GALNTL6: variants seen among roughly 807,000 people sequenced by gnomAD.
GALNTL6 encodes the protein polypeptide N-acetylgalactosaminyltransferase-like 6.
Under a neutral mutation model 73.7 loss-of-function variants are expected in GALNTL6, and 46 were observed. That is an observed-to-expected ratio of 0.62 (90% CI 0.49 to 0.80). The LOEUF is 0.80. Among genes scored for constraint, GALNTL6 ranks in the 30% least tolerant of loss-of-function variants. The probability of loss-of-function intolerance (pLI) is 0.00; values close to 1 mark genes in which losing one functional copy is unlikely to be tolerated. For synonymous variants in GALNTL6, 259 were observed against 263.7 expected (o/e 0.98, Z 0.17); for missense variants, 604 against 755.0 (o/e 0.80, Z 2.34).
At chr4:172,107,843 G>C (rs2110973138) in intron 2 of GALNTL6, among the ~76,000 whole-genome samples, 1 of 152,106 alleles carries the variant, frequency 6.6e-6, no homozygotes, top group East Asian at 1.9e-4. Flanking sequence ...AAAATAGTAA[G>C]CTGGTGTAAA....
chr4:172,514,484 C>T (rs984599236), intron 5 of GALNTL6, among the ~76,000 whole-genome samples: 5 of 152,168 alleles, frequency 3.3e-5, no homozygotes, highest in African/African-American at 1.2e-4. Context: ...AGGGCTGGGA[C>T]TTTGCCGCAA....
intron 5 of GALNTL6, among the ~76,000 whole-genome samples, chr4:172,588,314 C>T (rs1045360272): frequency 3.9e-5 from 6 of 152,042 alleles, no homozygotes; most frequent in African/African-American, 1.2e-4. Flanking sequence ...ATCTCCCAGA[C>T]AAGGCGTAGT....
chr4:172,795,324 C>G (rs927597509), intron 5 of GALNTL6, among the ~76,000 whole-genome samples: 1 of 151,998 alleles, frequency 6.6e-6, no homozygotes, highest in Non-Finnish European at 1.5e-5. Flanking sequence ...AGGGATAACT[C>G]GTTCATTTTA....
chr4:172,306,219 T>C (rs1243225027), intron 3 of GALNTL6, among the ~76,000 whole-genome samples: 1 of 152,048 alleles, frequency 6.6e-6, no homozygotes, highest in African/African-American at 2.4e-5. Flanking sequence ...TGAAACCCTG[T>C]CTCTACTAAA....
chr4:172,412,760 T>G lies in GALNTL6; in HGVS notation c.553+64071T>G, dbSNP rs2101251. On this transcript the variant is annotated intron_variant, in intron 5 of 12. Coordinates refer to ENST00000506823, the MANE Select transcript of GALNTL6 (RefSeq NM_001034845.3). ...TTCTTAGAGACATCATTTAGAAAAT[T>G]TATTCATTAAGATTGTTTTTAACAA... Among the ~76,000 whole-genome samples, 1,176 of 152,244 alleles carry G rather than the reference T, an allele frequency of 7.7e-3. 11 individuals carry two copies. The highest frequency in any genetic ancestry group is 0.027 in the African/African-American group (1,107 of 41,556).
intron 2 of GALNTL6, among the ~76,000 whole-genome samples, chr4:171,991,936 A>T (rs1215567299): frequency 6.6e-6 from 1 of 151,896 alleles, no homozygotes; most frequent in Non-Finnish European, 1.5e-5. Flanking sequence ...TAAAATGAAC[A>T]TTATTAACAA....
At chr4:172,849,983 T>C (rs1046080151) in intron 7 of GALNTL6, among the ~76,000 whole-genome samples, 1 of 152,180 alleles carries the variant, frequency 6.6e-6, no homozygotes, top group African/African-American at 2.4e-5. Context: ...CCTAAAGTCT[T>C]TCCTCTTCAT....
In GALNTL6 at chr4:171,868,629, A is replaced by T. The variant is rs527970974; in HGVS notation, c.138+53911A>T. Among the ~76,000 whole-genome samples, 5 of 152,262 alleles carry T rather than the reference A, an allele frequency of 3.3e-5. No homozygotes were observed. In the East Asian group the frequency reaches 9.7e-4, roughly 29 times the overall value. On this transcript the variant is annotated intron_variant, in intron 2 of 12. Transcript: ENST00000506823. Reference sequence around the variant, plus strand: ...TCAAATATTCTACCTCCCTTGAATCATCTTGGAACACAGGATTCTTGAATC... The same window carrying T: ...TCAAATATTCTACCTCCCTTGAATCTTCTTGGAACACAGGATTCTTGAATC...
At chr4:171,961,466 T>C (rs1430908710) in intron 2 of GALNTL6, among the ~76,000 whole-genome samples, 4 of 152,162 alleles carry the variant, frequency 2.6e-5, no homozygotes, top group African/African-American at 9.7e-5. Context: ...AGATTCCTTC[T>C]ATGGGACAAA....
At chr4:172,337,891 C>T (rs1156891343) in intron 4 of GALNTL6, among the ~76,000 whole-genome samples, 1 of 151,724 alleles carries the variant, frequency 6.6e-6, no homozygotes, top group African/African-American at 2.4e-5. Context: ...TTTTCTTCTT[C>T]TCTCTCAGGA....
chr4:172,835,451 G>C (rs1742861032), intron 7 of GALNTL6, among the ~76,000 whole-genome samples: 1 of 152,244 alleles, frequency 6.6e-6, no homozygotes, highest in Admixed American at 6.5e-5. Context: ...AGTTTTAACA[G>C]TCTTGGCTCC....
At chr4:172,093,630 C>T (rs1049244900) in intron 2 of GALNTL6, among the ~76,000 whole-genome samples, 2 of 152,174 alleles carry the variant, frequency 1.3e-5, no homozygotes, top group Non-Finnish European at 2.9e-5. Context: ...CCTTCACTCT[C>T]ATCCTTCCCT....
At chr4:172,475,802 C>G (rs886688555) in intron 5 of GALNTL6, among the ~76,000 whole-genome samples, 4 of 152,208 alleles carry the variant, frequency 2.6e-5, no homozygotes, top group African/African-American at 9.7e-5. Flanking sequence ...ATAACGAAAT[C>G]ATGTCATACT....
intron 5 of GALNTL6, among the ~76,000 whole-genome samples, chr4:172,674,656 T>C (rs1048341654): frequency 5.9e-5 from 9 of 152,194 alleles, no homozygotes; most frequent in Admixed American, 1.3e-4. Context: ...GAGGTTTTGT[T>C]CATTCCTTTT....
chr4:172,736,812 G>T (rs1252388124), intron 5 of GALNTL6, among the ~76,000 whole-genome samples: 1 of 152,038 alleles, frequency 6.6e-6, no homozygotes, highest in Non-Finnish European at 1.5e-5. Context: ...CTCCATTCGG[G>T]GTCCCTGACT....
chr4:171,876,562 C>T (rs1172131240), intron 2 of GALNTL6, among the ~76,000 whole-genome samples: 1 of 152,074 alleles, frequency 6.6e-6, no homozygotes, highest in African/African-American at 2.4e-5. Context: ...ACCGTCTAAC[C>T]CTCAAAAAGT....
intron 2 of GALNTL6, among the ~76,000 whole-genome samples, chr4:171,995,432 T>C (rs1228717397): frequency 6.6e-6 from 1 of 151,988 alleles, no homozygotes; most frequent in Non-Finnish European, 1.5e-5. Context: ...AGAAAACATA[T>C]AATAAATTAT....
chr4:172,689,382 T>C (rs1733126507), intron 5 of GALNTL6, among the ~76,000 whole-genome samples: 1 of 152,200 alleles, frequency 6.6e-6, no homozygotes, highest in African/African-American at 2.4e-5. Context: ...ATGGAAAGTA[T>C]AAAGCTTAGC....
At chr4:172,424,648 G>A (rs1479268050) in intron 5 of GALNTL6, among the ~76,000 whole-genome samples, 3 of 152,244 alleles carry the variant, frequency 2.0e-5, no homozygotes, top group African/African-American at 7.2e-5. Flanking sequence ...CAGGAGGATA[G>A]AGACTCAAAC....
Sources: allele counts gnomAD v4.1 joint callset (sites outside exome capture counted in the v4.1 genomes callset), GRCh38; gene constraint gnomAD v4.1.1; transcripts MANE v1.5; gene names NCBI Gene and HGNC (gene_info 2026-07-23, HGNC 2026-07-21).